The following FSHR variants were observed in gnomAD, a reference collection of about 807,000 sequenced individuals.
The protein encoded by FSHR is follicle-stimulating hormone receptor.
In FSHR, 46 loss-of-function variants were observed where a neutral mutation model predicts 52.1. The observed-to-expected ratio is 0.88, with a 90% CI of 0.70 to 1.13. The LOEUF is 1.13. Ranked by LOEUF, FSHR falls within the 50% of genes most tolerant of loss-of-function variation. The probability of loss-of-function intolerance (pLI) is 0.00; values close to 1 mark genes in which losing one functional copy is unlikely to be tolerated. For synonymous variants in FSHR, 399 were observed against 309.6 expected (o/e 1.29, Z -3.03); for missense variants, 964 against 834.6 (o/e 1.16, Z -1.91).
chr2:49,000,314 C>T (rs558697250), intron 4 of FSHR, among the ~76,000 whole-genome samples: 33 of 152,200 alleles, frequency 2.2e-4, no homozygotes, highest in South Asian at 4.2e-4. Context: ...AAAAGAATCA[C>T]GGCAAACTAA....
At chr2:49,102,003 A>G (rs1266593148) in intron 1 of FSHR, among the ~76,000 whole-genome samples, 2 of 152,140 alleles carry the variant, frequency 1.3e-5, no homozygotes, top group African/African-American at 4.8e-5. Flanking sequence ...TAAAGGCCCT[A>G]CTTCTCAATA....
intron 1 of FSHR, among the ~76,000 whole-genome samples, chr2:49,082,386 A>G (rs1670206929): frequency 6.6e-6 from 1 of 152,164 alleles, no homozygotes; most frequent in Admixed American, 6.5e-5. Context: ...TAAAACCACA[A>G]AGATGGGGAA....
At chr2:49,055,703 G>A (rs373477745) in intron 2 of FSHR, among the ~76,000 whole-genome samples, 8 of 152,004 alleles carry the variant, frequency 5.3e-5, no homozygotes, top group African/African-American at 1.7e-4. Context: ...ATTGGATGAA[G>A]AGTAGATTTC....
At chr2:49,052,677 T>C (rs1050311587) in intron 2 of FSHR, among the ~76,000 whole-genome samples, 3 of 152,178 alleles carry the variant, frequency 2.0e-5, no homozygotes, top group Admixed American at 2.0e-4. Context: ...AGTCTAACAC[T>C]GGCCTTTCAT....
intron 8 of FSHR, among the ~76,000 whole-genome samples, chr2:48,972,778 T>C (rs1433219662): frequency 6.6e-6 from 1 of 152,198 alleles, no homozygotes; most frequent in Non-Finnish European, 1.5e-5. Context: ...CATCATTGCC[T>C]CTCATGAACA....
chr2:49,065,627 T>C (rs1278405187), intron 2 of FSHR, among the ~76,000 whole-genome samples: 1 of 152,128 alleles, frequency 6.6e-6, no homozygotes, highest in Admixed American at 6.6e-5. Flanking sequence ...TGTAGATGTT[T>C]AGGCATCTTT....
At chr2:48,992,609 T>A (rs770220107) in intron 4 of FSHR, among the ~76,000 whole-genome samples, 2 of 152,034 alleles carry the variant, frequency 1.3e-5, no homozygotes, top group Admixed American at 1.3e-4. Flanking sequence ...CATGAAGGTG[T>A]TTTTTTCTGT....
intron 1 of FSHR, among the ~76,000 whole-genome samples, chr2:49,079,491 A>G (rs1309426281): frequency 6.6e-6 from 1 of 152,178 alleles, no homozygotes; most frequent in African/African-American, 2.4e-5. Flanking sequence ...ACCAGGAAAT[A>G]TGATTTTTCT....
chr2:49,134,733 A>G (rs1044529098), intron 1 of FSHR, among the ~76,000 whole-genome samples: 2 of 152,210 alleles, frequency 1.3e-5, no homozygotes, highest in Non-Finnish European at 2.9e-5. Context: ...TACTATGCAG[A>G]CATAAAAAAT....
At chr2:49,124,015 C>T (rs1333519326) in intron 1 of FSHR, among the ~76,000 whole-genome samples, 1 of 150,780 alleles carries the variant, frequency 6.6e-6, no homozygotes, top group East Asian at 1.9e-4. Context: ...GACGGAATTT[C>T]GCTCTATCAC....
At chr2:49,005,366 G>A (rs12713030) in intron 4 of FSHR, among the ~76,000 whole-genome samples, 2 of 151,992 alleles carry the variant, frequency 1.3e-5, no homozygotes, top group Non-Finnish European at 2.9e-5. Context: ...GGCAAAGTTG[G>A]CTCTGCCAGG....
intron 1 of FSHR, among the ~76,000 whole-genome samples, chr2:49,069,610 A>G (rs1382145327): frequency 6.6e-6 from 1 of 152,178 alleles, no homozygotes; most frequent in Non-Finnish European, 1.5e-5. Flanking sequence ...CCAAATGCCT[A>G]GAACAGTGCT....
chr2:49,000,778 A>G (rs1389127244), intron 4 of FSHR, among the ~76,000 whole-genome samples: 2 of 152,104 alleles, frequency 1.3e-5, no homozygotes, highest in South Asian at 2.1e-4. Context: ...GGAAAGTTTC[A>G]TAGCTGCTCC....
intron 1 of FSHR, among the ~76,000 whole-genome samples, chr2:49,148,403 T>C (rs1426824443): frequency 6.6e-6 from 1 of 152,064 alleles, no homozygotes; most frequent in Non-Finnish European, 1.5e-5. Context: ...AATAATCATC[T>C]TTTATAAGAA....
At chr2:49,092,840 A>G (rs546003808) in intron 1 of FSHR, among the ~76,000 whole-genome samples, 2 of 151,708 alleles carry the variant, frequency 1.3e-5, no homozygotes, top group African/African-American at 4.8e-5. Flanking sequence ...TATTTTTTCT[A>G]TTTTTAGTAG....
chr2:49,042,578 G>A (rs1450581840), intron 2 of FSHR, among the ~76,000 whole-genome samples: 1 of 98,074 alleles, frequency 1.0e-5, no homozygotes, highest in Non-Finnish European at 2.0e-5. Flanking sequence ...TGTCCACATG[G>A]GTTTATATAT....
intron 2 of FSHR, among the ~76,000 whole-genome samples, chr2:49,056,976 C>A (rs1410643802): frequency 6.6e-6 from 1 of 151,718 alleles, no homozygotes; most frequent in African/African-American, 2.4e-5. Flanking sequence ...AATGAAAACA[C>A]AAAATACCAA....
chr2:49,047,344 T>C (rs1474512025), intron 2 of FSHR, among the ~76,000 whole-genome samples: 1 of 152,312 alleles, frequency 6.6e-6, no homozygotes, highest in East Asian at 1.9e-4. Flanking sequence ...GACTGACACC[T>C]CAATTTTCAA....
At chr2:49,027,743 G>A (rs1351123880) in intron 2 of FSHR, among the ~76,000 whole-genome samples, 3 of 151,622 alleles carry the variant, frequency 2.0e-5, no homozygotes, top group African/African-American at 4.8e-5. Context: ...TGAGCTGCTC[G>A]AGAGGCTGAG....
Sources: allele counts gnomAD v4.1 joint callset (sites outside exome capture counted in the v4.1 genomes callset), GRCh38; gene constraint gnomAD v4.1.1; transcripts MANE v1.5; gene names NCBI Gene and HGNC (gene_info 2026-07-23, HGNC 2026-07-21).